The following EYA1 variants were observed in gnomAD, a reference collection of about 807,000 sequenced individuals.
The protein encoded by EYA1 is protein phosphatase EYA1.
In EYA1, 16 loss-of-function variants were observed where a neutral mutation model predicts 82.0. The observed-to-expected ratio is 0.20, with a 90% CI of 0.13 to 0.30. The LOEUF is 0.30. Among genes scored for constraint, EYA1 ranks in the 10% least tolerant of loss-of-function variants. EYA1 has a pLI of 1.00. For synonymous variants in EYA1, 261 were observed against 264.4 expected (o/e 0.99, Z 0.12); for missense variants, 633 against 730.7 (o/e 0.87, Z 1.54).
intron 7 of EYA1, 104 bp from the exon 8 acceptor site, chr8:71,299,824 T>C (rs955040620): frequency 1.3e-6 from 1 of 747,362 alleles, no homozygotes; most frequent in South Asian, 1.4e-5. Context: ...TGGTTTATCT[T>C]CGACACTAGA....
intron 2 of EYA1, among the ~76,000 whole-genome samples, chr8:71,526,142 C>T (rs1198496131): frequency 6.6e-6 from 1 of 151,758 alleles, no homozygotes. Flanking sequence ...AAATTGACCT[C>T]TGAATGTATC....
chr8:71,277,114 CA>C (rs1817267937), intron 9 of EYA1, among the ~76,000 whole-genome samples: 10 of 90,644 alleles, frequency 1.1e-4, no homozygotes, highest in Non-Finnish European at 6.1e-5. Flanking sequence ...TGGCTTCACA[CA>C]TTTTTTTTTT....
At chr8:71,352,278 T>C (rs1330792159) in intron 3 of EYA1, among the ~76,000 whole-genome samples, 1 of 152,160 alleles carries the variant, frequency 6.6e-6, no homozygotes, top group Admixed American at 6.5e-5. Context: ...CAGAGAGGAA[T>C]GAAATAGATA....
At chr8:71,445,805 G>A (rs111728175) in intron 2 of EYA1, among the ~76,000 whole-genome samples, 10,891 of 151,906 alleles carry the variant, frequency 0.072, 1,311 homozygotes, top group African/African-American at 0.25. Flanking sequence ...CGCCCACCTC[G>A]GCCTCCCAAA....
At chr8:71,427,516 T>A (rs1805319353) in intron 2 of EYA1, among the ~76,000 whole-genome samples, 1 of 152,206 alleles carries the variant, frequency 6.6e-6, no homozygotes, top group African/African-American at 2.4e-5. Context: ...ATTTCTACCA[T>A]TGCCTCATTG....
intron 12 of EYA1, among the ~76,000 whole-genome samples, chr8:71,242,639 A>C (rs1196413566): frequency 6.6e-6 from 1 of 152,180 alleles, no homozygotes; most frequent in Non-Finnish European, 1.5e-5. Context: ...AATAACGTCA[A>C]TAAACAAAAA....
intron 2 of EYA1, among the ~76,000 whole-genome samples, chr8:71,370,786 AT>A (rs201310816): frequency 0.028 from 4,072 of 143,082 alleles, 166 homozygotes; most frequent in East Asian, 0.23. Flanking sequence ...ATGCCTAGCT[AT>A]TTTTTTTTTT....
At chr8:71,493,796 G>A (rs1811194825) in intron 2 of EYA1, among the ~76,000 whole-genome samples, 1 of 150,620 alleles carries the variant, frequency 6.6e-6, no homozygotes, top group African/African-American at 2.4e-5. Flanking sequence ...GGCCGAGGCG[G>A]GCGGATCACG....
chr8:71,222,821 C>T (rs1425245007), intron 12 of EYA1, among the ~76,000 whole-genome samples: 1 of 152,202 alleles, frequency 6.6e-6, no homozygotes, highest in East Asian at 1.9e-4. Context: ...CAATTTCACA[C>T]AGTGTAGACA....
At chr8:71,393,202 G>A (rs1182291584) in intron 2 of EYA1, among the ~76,000 whole-genome samples, 2 of 152,034 alleles carry the variant, frequency 1.3e-5, no homozygotes, top group African/African-American at 2.4e-5. Context: ...AATTTAATGA[G>A]TTCATAATTA....
intron 2 of EYA1, among the ~76,000 whole-genome samples, chr8:71,419,231 C>T (rs1338579009): frequency 6.6e-6 from 1 of 152,088 alleles, no homozygotes. Context: ...AGCAAGGGAA[C>T]CAAATAAGGA....
At chr8:71,202,633 G>A (rs1254085326) in intron 17 of EYA1, among the ~76,000 whole-genome samples, 1 of 152,154 alleles carries the variant, frequency 6.6e-6, no homozygotes, top group East Asian at 1.9e-4. Context: ...GGGCAGAAGA[G>A]CCAAAGGTTC....
At chr8:71,339,778 T>C (rs1372084455) in intron 3 of EYA1, among the ~76,000 whole-genome samples, 3 of 152,248 alleles carry the variant, frequency 2.0e-5, no homozygotes, top group East Asian at 1.9e-4. Context: ...CTCCATGGTA[T>C]AGAATGAGCC....
intron 11 of EYA1, among the ~76,000 whole-genome samples, chr8:71,260,811 C>T (rs552994025): frequency 2.0e-5 from 3 of 152,288 alleles, no homozygotes; most frequent in East Asian, 1.9e-4. Flanking sequence ...GAGATTTATT[C>T]GTCCATGTGA....
intron 11 of EYA1, among the ~76,000 whole-genome samples, chr8:71,261,199 A>G (rs1193494111): frequency 6.6e-6 from 1 of 152,198 alleles, no homozygotes; most frequent in African/African-American, 2.4e-5. Context: ...ACACATAACC[A>G]AAAGTGTTAT....
chr8:71,284,039 G>A (rs551329779), intron 9 of EYA1, among the ~76,000 whole-genome samples: 2 of 152,270 alleles, frequency 1.3e-5, no homozygotes, highest in East Asian at 1.9e-4. Context: ...CACCTCAGAC[G>A]CCCTACAGAC....
intron 2 of EYA1, among the ~76,000 whole-genome samples, chr8:71,490,840 T>C (rs1810938441): frequency 1.3e-5 from 2 of 152,214 alleles, no homozygotes; most frequent in African/African-American, 2.4e-5. Context: ...AGATTTTTCA[T>C]TGAGGAACTG....
At chr8:71,371,418 C>A (rs1191071365) in intron 2 of EYA1, among the ~76,000 whole-genome samples, 3 of 152,166 alleles carry the variant, frequency 2.0e-5, no homozygotes, top group Non-Finnish European at 4.4e-5. Context: ...ACTAAGTATT[C>A]AGACCAGCCC....
intron 2 of EYA1, among the ~76,000 whole-genome samples, chr8:71,399,332 T>A (rs1187994900): frequency 9.9e-5 from 15 of 152,120 alleles, no homozygotes; most frequent in Admixed American, 6.5e-5. Context: ...CAGTTGGAAA[T>A]GCGGAAATCA....
Sources: gnomAD v4.1 joint callset for allele counts (sites outside exome capture counted in the v4.1 genomes callset) on GRCh38, gnomAD v4.1.1 for gene constraint, MANE v1.5 for transcripts, NCBI Gene and HGNC (gene_info 2026-07-23, HGNC 2026-07-21) for gene names.